Variants in NBAS observed in about 807,000 individuals in gnomAD.
NBAS encodes NAG/BC035112 fusion.
A neutral mutation model predicts 302.5 loss-of-function variants in NBAS; 219 were observed. That is an observed-to-expected ratio of 0.72 (90% CI 0.65 to 0.81). The LOEUF is 0.81. Among genes scored for constraint, NBAS ranks in the 30% least tolerant of loss-of-function variants. The pLI, the probability that NBAS is intolerant of heterozygous loss-of-function variation, is 0.00. For synonymous variants in NBAS, 1,118 were observed against 1,021.6 expected (o/e 1.09, Z -1.80); for missense variants, 2,932 against 2,841.6 (o/e 1.03, Z -0.72).
chr2:15,286,549 C>T (rs1670051290), intron 42 of NBAS, among the ~76,000 whole-genome samples: 1 of 152,188 alleles, frequency 6.6e-6, no homozygotes, highest in African/African-American at 2.4e-5. Context: ...TCCATTTGTT[C>T]CTAATCAAAG....
the NBAS span, among the ~76,000 whole-genome samples, chr2:14,981,024 CA>C: frequency 1.3e-5 from 2 of 150,410 alleles, no homozygotes; most frequent in African/African-American, 4.9e-5. Flanking sequence ...TCAAGACATA[CA>C]ACATCTAATA....
the NBAS span, among the ~76,000 whole-genome samples, chr2:14,971,246 G>A: frequency 1.3e-5 from 2 of 152,130 alleles, no homozygotes; most frequent in Admixed American, 6.6e-5. Context: ...GCCGGACACA[G>A]TGGCTCATGC....
intron 38 of NBAS, among the ~76,000 whole-genome samples, chr2:15,311,344 A>T (rs1671267151): frequency 6.6e-6 from 1 of 152,222 alleles, no homozygotes; most frequent in Non-Finnish European, 1.5e-5. Flanking sequence ...TAAATGAAGT[A>T]AAGTATGCAA....
chr2:15,006,167 G>A, the NBAS span, among the ~76,000 whole-genome samples: 1 of 152,106 alleles, frequency 6.6e-6, no homozygotes, highest in Admixed American at 6.5e-5. Flanking sequence ...AGAATATCTA[G>A]TGCTAATGAG....
chr2:14,983,646 G>A, the NBAS span, among the ~76,000 whole-genome samples: 1 of 152,126 alleles, frequency 6.6e-6, no homozygotes, highest in Non-Finnish European at 1.5e-5. Flanking sequence ...CTTGGCAAGG[G>A]TAAGAAAAGT....
At chr2:15,107,495 A>T in the NBAS span, among the ~76,000 whole-genome samples, 1 of 152,092 alleles carries the variant, frequency 6.6e-6, no homozygotes, top group African/African-American at 2.4e-5. Context: ...GGATACTAAA[A>T]GGTAACAGGA....
intron 44 of NBAS, among the ~76,000 whole-genome samples, chr2:15,270,323 C>T (rs747892328): frequency 1.3e-5 from 2 of 152,088 alleles, no homozygotes; most frequent in Non-Finnish European, 2.9e-5. Flanking sequence ...CGCCATCATG[C>T]CCAGCTAATT....
At position 15,474,231 on chromosome 2, in the gene NBAS, T is replaced by C. The variant is rs140976519; in HGVS notation, c.1435A>G (p.Ile479Val). Residue 479 changes from isoleucine (I) to valine (V), a missense_variant, in exon 15 of 52, where the codon ATA (isoleucine) becomes GTA (valine). By Grantham distance (29) the Ile-to-Val change is conservative (BLOSUM62 3). Transcript: ENST00000281513. Reference sequence around the variant, plus strand: ...CCAAAGTAGCGAGCCTTGGCAGATATTTCATAATCAGAATCAGAATCCTCT... The same window carrying C: ...CCAAAGTAGCGAGCCTTGGCAGATACTTCATAATCAGAATCAGAATCCTCT... ...GEEDSDSDYE[I>V]SAKARYFGYI... 1.2e-5 allele frequency: 20 copies of C among 1,613,992 alleles called. No homozygotes were observed. The highest frequency in any genetic ancestry group is 1.7e-5 in the Non-Finnish European group (20 of 1,180,010).
intron 47 of NBAS, among the ~76,000 whole-genome samples, chr2:15,222,268 G>C (rs1572476065): frequency 1.3e-5 from 2 of 152,124 alleles, no homozygotes; most frequent in Non-Finnish European, 2.9e-5. Flanking sequence ...GCAGACTCAG[G>C]CACTTTTGAT....
chr2:15,288,490 C>T (rs377105736), intron 41 of NBAS, among the ~76,000 whole-genome samples: 2 of 152,170 alleles, frequency 1.3e-5, no homozygotes, highest in Admixed American at 6.5e-5. Context: ...AAGTGAGGAA[C>T]GTACTGGGTC....
intron 33 of NBAS, among the ~76,000 whole-genome samples, chr2:15,355,026 G>C (rs1444803956): frequency 6.6e-6 from 1 of 152,156 alleles, no homozygotes; most frequent in Non-Finnish European, 1.5e-5. Context: ...ATTCAGAGTT[G>C]AGTCCAATCT....
intron 28 of NBAS, among the ~76,000 whole-genome samples, chr2:15,390,381 G>T (rs1220765535): frequency 6.6e-6 from 1 of 152,194 alleles, no homozygotes; most frequent in Non-Finnish European, 1.5e-5. Context: ...TCACTTACAT[G>T]TAAAATTTTT....
chr2:15,213,431 A>C (rs572049666), intron 48 of NBAS, among the ~76,000 whole-genome samples: 174 of 152,330 alleles, frequency 1.1e-3, no homozygotes, highest in African/African-American at 4.1e-3. Flanking sequence ...CTATTCTGTC[A>C]AACCCCTGAT....
chr2:14,840,120 C>A, the NBAS span, among the ~76,000 whole-genome samples: 9 of 151,518 alleles, frequency 5.9e-5, no homozygotes, highest in Non-Finnish European at 1.3e-4. Flanking sequence ...AATCTTGGAA[C>A]TAAGAAATGC....
chr2:15,111,428 G>A, the NBAS span, among the ~76,000 whole-genome samples: 1 of 152,168 alleles, frequency 6.6e-6, no homozygotes, highest in Non-Finnish European at 1.5e-5. Flanking sequence ...TGCAGAGGGA[G>A]CAGGTGGAAT....
At chr2:15,061,795 C>G in the NBAS span, among the ~76,000 whole-genome samples, 1 of 152,222 alleles carries the variant, frequency 6.6e-6, no homozygotes, top group Non-Finnish European at 1.5e-5. Context: ...TGCCAAATCC[C>G]TTCTTGAATA....
At chr2:15,075,825 T>C in the NBAS span, among the ~76,000 whole-genome samples, 1 of 152,086 alleles carries the variant, frequency 6.6e-6, no homozygotes. Context: ...CAGAAAACGG[T>C]ATCCTTACAT....
At chr2:15,012,031 C>A in the NBAS span, among the ~76,000 whole-genome samples, 1 of 152,234 alleles carries the variant, frequency 6.6e-6, no homozygotes. Flanking sequence ...AAACATGACA[C>A]CTCCAAAGGA....
chr2:14,956,502 T>A, the NBAS span, among the ~76,000 whole-genome samples: 9 of 152,180 alleles, frequency 5.9e-5, no homozygotes, highest in Non-Finnish European at 1.3e-4. Context: ...TAGTCCCTTC[T>A]CATGATGCTA....
Sources: allele counts gnomAD v4.1 joint callset (sites outside exome capture counted in the v4.1 genomes callset), GRCh38; gene constraint gnomAD v4.1.1; transcripts MANE v1.5; gene names NCBI Gene and HGNC (gene_info 2026-07-23, HGNC 2026-07-21).